Variants in TCTN1 observed in about 807,000 individuals in gnomAD.
The protein encoded by TCTN1 is tectonic family member 1, also known as tectonic-1.
Under a neutral mutation model 65.8 loss-of-function variants are expected in TCTN1, and 58 were observed. The ratio of observed to expected loss-of-function variants is 0.88; its 90% CI spans 0.71 to 1.10. The LOEUF is 1.10. Ranked by LOEUF, TCTN1 falls within the 50% of genes least tolerant of loss-of-function variation. TCTN1 has a pLI of 0.00. For missense variants in TCTN1, 645 were observed against 719.4 expected (o/e 0.90, Z 1.18); for synonymous variants, 273 against 289.1 (o/e 0.94, Z 0.57).
At chr12:110,642,744 T>G (rs1297425612) in intron 11 of TCTN1, among the ~76,000 whole-genome samples, 1 of 151,162 alleles carries the variant, frequency 6.6e-6, no homozygotes, top group African/African-American at 2.4e-5. Context: ...ACTACAGGCA[T>G]GCACCACCAC....
intron 2 of TCTN1, among the ~76,000 whole-genome samples, chr12:110,621,343 G>A (rs959821063): frequency 1.3e-5 from 2 of 152,126 alleles, no homozygotes; most frequent in Admixed American, 6.5e-5. Context: ...AGAGAACAGG[G>A]CAATGTAGTC....
chr12:110,646,753 C>T (rs1164354757), intron 12 of TCTN1: 1 of 219,844 alleles, frequency 4.5e-6, no homozygotes, highest in Non-Finnish European at 9.2e-6. Flanking sequence ...AAAGAAAGCA[C>T]TTAAATTTCC....
chr12:110,644,604 G>A lies in TCTN1; in HGVS notation c.1332-363G>A. On this transcript the variant is annotated intron_variant, in intron 11 of 14. Transcript: ENST00000397659. This position sits in a 1 kb window ranked among gnomAD's most constrained non-coding sequence, Gnocchi z 4.6. ...GAGGCAGGAGAATCACTTGAACCTG[G>A]GAGGCGGTGGTTGCAGTGAGCCAAG... 3.3e-6 allele frequency: 1 copy of A among 306,904 alleles called. No individual in the cohort carries two copies. The highest frequency in any genetic ancestry group is 2.8e-5 in the South Asian group (1 of 35,470). 19.0% of individuals were successfully genotyped at this position (306,904 alleles called of 1,614,324 possible).
intron 2 of TCTN1, among the ~76,000 whole-genome samples, chr12:110,623,185 C>T (rs1024971546): frequency 2.6e-5 from 4 of 152,202 alleles, no homozygotes; most frequent in African/African-American, 9.7e-5. Context: ...CAGATTCATT[C>T]CCACCTTCTT....
At chr12:110,614,588 C>A in intron 1 of TCTN1, 186 bp downstream of exon 1, 1 of 1,251,054 alleles carries the variant, frequency 8.0e-7, no homozygotes, top group Non-Finnish European at 1.1e-6. Flanking sequence ...CTATCACTGT[C>A]AGGTAAATGA....
intron 2 of TCTN1, among the ~76,000 whole-genome samples, chr12:110,620,645 AC>A (rs1377552089): frequency 1.3e-5 from 2 of 152,130 alleles, no homozygotes; most frequent in East Asian, 3.8e-4. Flanking sequence ...AGTATTTGTA[AC>A]AAAAAATTAG....
intron 4 of TCTN1, chr12:110,630,259 A>G (rs2066147360): frequency 6.6e-6 from 1 of 152,236 alleles, no homozygotes; most frequent in Non-Finnish European, 1.5e-5. Context: ...AATTCTGAAT[A>G]GAGGATTTAA....
rs2066958228 is a variant in TCTN1 at position 110,641,614 on chromosome 12, C to T, written c.1177C>T (p.Gln393Ter). ...GGGGCTCCCATTAGCTGCTGGATTC[C>T]AGCCTCATAAGGGATATCCTTTTTG... The part of the protein sequence containing the change: ...VVGLPLAAGF[Q>*]PHKGSGIIQT... The change falls in exon 10 of 15, where the codon CAG (glutamine) becomes TAG (stop). Residue 393 changes from glutamine (Q) to a stop codon, truncating the protein, a stop_gained. Coordinates refer to ENST00000397659, the MANE Select transcript of TCTN1 (RefSeq NM_001082538.3). LOFTEE classifies it high-confidence loss of function. 1 of 1,614,056 alleles carries T rather than the reference C, an allele frequency of 6.2e-7. No homozygotes were observed. The highest frequency in any genetic ancestry group is 1.3e-5 in the African/African-American group (1 of 74,926).
chr12:110,622,145 A>G (rs1455747306), intron 2 of TCTN1, among the ~76,000 whole-genome samples: 1 of 146,390 alleles, frequency 6.8e-6, no homozygotes, highest in African/African-American at 2.6e-5. Context: ...AAAAAAAAAT[A>G]ATAATAATAA....
chr12:110,617,801 C>T (rs1019700433), intron 1 of TCTN1, among the ~76,000 whole-genome samples: 9 of 151,044 alleles, frequency 6.0e-5, no homozygotes, highest in Non-Finnish European at 8.9e-5. Context: ...CCACCATGCC[C>T]GACTAATTTT....
intron 10 of TCTN1, 40 bp downstream of exon 10, chr12:110,641,667 T>A: frequency 6.3e-7 from 1 of 1,581,350 alleles, no homozygotes; most frequent in Non-Finnish European, 8.7e-7. Context: ...TTTATTTCTC[T>A]CTCCATGTGC....
In TCTN1 at chr12:110,641,114, C is replaced by T. The variant is rs1373271767; in HGVS notation, c.1069C>T (p.Pro357Ser). Residue 357 changes from proline (P) to serine (S), a missense_variant, in exon 9 of 15, where the codon CCA becomes TCA. Physicochemically the swap from Pro to Ser is moderately conservative, Grantham distance 74 (BLOSUM62 -1). Transcript: ENST00000397659. ...VLGTVSSVVV[P>S]LQQKFEIHFL... is the part of the protein sequence containing the mutation. ...GGGGACAGTTAGCAGCGTAGTGGTC[C>T]CACTGCAGCAAAAGTTTGAAATTCA... 1 of 1,614,146 alleles carries T rather than the reference C, an allele frequency of 6.2e-7. No individual in the cohort carries two copies. The highest frequency in any genetic ancestry group is 8.5e-7 in the Non-Finnish European group (1 of 1,180,034).
chr12:110,648,776 G>GAATAC, intron 14 of TCTN1: 2 of 299,326 alleles, frequency 6.7e-6, no homozygotes, highest in Non-Finnish European at 1.3e-5. Context: ...TACAGTAGGA[G>GAATAC]GGTCCAGGGA....
At chr12:110,632,799 CTT>C (rs757180754) in intron 5 of TCTN1, among the ~76,000 whole-genome samples, 2 of 152,116 alleles carry the variant, frequency 1.3e-5, no homozygotes, top group Non-Finnish European at 2.9e-5. Context: ...CAGGGCCAGT[CTT>C]TTCTACCACA....
In TCTN1 at chr12:110,647,343, C is replaced by T; in HGVS notation, c.1635+7C>T. 2 of 1,614,118 alleles carry T rather than the reference C, an allele frequency of 1.2e-6. No individual in the cohort carries two copies. Among genetic ancestry groups the T allele is most frequent in the East Asian group, 4.5e-5 (2 of 44,880 alleles). On this transcript the variant is annotated splice_region_variant and intron_variant, in intron 13 of 14. Transcript: ENST00000397659. ...TTCATCCTCCTTTCCTGAGGTAGGC[C>T]TAACCTAGTTTAAAGGCATAGGTTA...
chr12:110,628,241 A>G, intron 3 of TCTN1: 5 of 1,535,086 alleles, frequency 3.3e-6, no homozygotes, highest in Middle Eastern at 1.8e-4. Flanking sequence ...GCTACAAACT[A>G]TTACTTCCCC....
chr12:110,620,189 C>CTT (rs1565957370), intron 2 of TCTN1, among the ~76,000 whole-genome samples: 24 of 152,184 alleles, frequency 1.6e-4, no homozygotes, highest in Middle Eastern at 3.4e-3. Context: ...GGGTGGATCA[C>CTT]GAGGTCAGGA....
chr12:110,632,680 A>G (rs2066312736), intron 5 of TCTN1, 121 bp downstream of exon 5: 2 of 949,638 alleles, frequency 2.1e-6, no homozygotes, highest in South Asian at 1.3e-5. Context: ...TTTTGCACCA[A>G]CTTAATACTT....
chr12:110,620,178 TGG>T (rs1163431049), intron 2 of TCTN1, among the ~76,000 whole-genome samples: 25 of 152,020 alleles, frequency 1.6e-4, no homozygotes, highest in Admixed American at 5.9e-4. Flanking sequence ...GAGGCTGAGG[TGG>T]GTGGATCACG....
Sources: allele counts gnomAD v4.1 joint callset (sites outside exome capture counted in the v4.1 genomes callset), GRCh38; gene constraint gnomAD v4.1.1; non-coding constraint Gnocchi (gnomAD v3.1); transcripts MANE v1.5; gene names NCBI Gene and HGNC (gene_info 2026-07-23, HGNC 2026-07-21).